Variants in TRAFD1 observed in about 807,000 individuals in gnomAD.
TRAFD1 encodes the protein TRAF-type zinc finger domain-containing protein 1.
TRAFD1 carries 38 observed loss-of-function variants against 65.3 expected under a neutral mutation model. The ratio of observed to expected loss-of-function variants is 0.58; its 90% CI spans 0.45 to 0.76. The LOEUF (loss-of-function observed/expected upper bound fraction) is 0.76. Among genes scored for constraint, TRAFD1 ranks in the 30% least tolerant of loss-of-function variants. The probability of loss-of-function intolerance (pLI) is 0.00; values close to 1 mark genes in which losing one functional copy is unlikely to be tolerated. For synonymous variants in TRAFD1, 223 were observed against 257.2 expected (o/e 0.87, Z 1.27); for missense variants, 631 against 712.6 (o/e 0.89, Z 1.30).
At position 112,151,904 on chromosome 12, in the gene TRAFD1, CTA is replaced by C; in HGVS notation, c.1386_1387del (p.Tyr462Ter). The C allele has an allele frequency of 6.2e-7, 1 of 1,614,198 alleles. No homozygotes were observed. The highest frequency in any genetic ancestry group is 8.5e-7 in the Non-Finnish European group (1 of 1,180,036). On this transcript the variant is annotated frameshift_variant, in exon 10 of 12. Coordinates refer to ENST00000412615, the MANE Select transcript of TRAFD1 (RefSeq NM_006700.3). LOFTEE classifies it high-confidence loss of function. ...SRPINNMTAT[Y>X]NQLSRSTSGP... The stretch of plus-strand genomic sequence containing the variant: ...GACCCATTAACAATATGACAGCTAC[CTA>C]TAACCAGCTATCGAGATCAACATCA...
intron 7 of TRAFD1, among the ~76,000 whole-genome samples, chr12:112,147,517 A>G (rs1000356480): frequency 6.6e-6 from 1 of 152,164 alleles, no homozygotes; most frequent in Non-Finnish European, 1.5e-5. Flanking sequence ...CTTTTACTGT[A>G]TGGATGTGGT....
chr12:112,128,511 G>A lies in TRAFD1; in HGVS notation c.-12-2000G>A, dbSNP rs118171751. Among the ~76,000 whole-genome samples the A allele has an allele frequency of 4.2e-3, 636 of 152,268 alleles. 4 individuals are homozygous for A. The highest frequency in any genetic ancestry group is 7.5e-3 in the Non-Finnish European group (508 of 68,010). ...GCTTTGCTTTCTGCATTGACATCTT[G>A]TTTAAAAAGCAGGAGAAACTTTATA... On this transcript the variant is annotated intron_variant, in intron 1 of 11. Transcript: ENST00000412615.
intron 6 of TRAFD1, among the ~76,000 whole-genome samples, chr12:112,144,638 T>A (rs369405518): frequency 4.6e-5 from 7 of 152,278 alleles, no homozygotes; most frequent in African/African-American, 1.7e-4. Context: ...CCCAACACTT[T>A]GGGAGGCTGA....
At chr12:112,135,797 T>C (rs933964990) in intron 4 of TRAFD1, among the ~76,000 whole-genome samples, 6 of 151,478 alleles carry the variant, frequency 4.0e-5, no homozygotes, top group Non-Finnish European at 7.4e-5. Flanking sequence ...TATCATTTGC[T>C]CGCTAGTTGA....
At chr12:112,144,752 A>G (rs1174646046) in intron 6 of TRAFD1, among the ~76,000 whole-genome samples, 1 of 152,154 alleles carries the variant, frequency 6.6e-6, no homozygotes, top group Non-Finnish European at 1.5e-5. Flanking sequence ...GCATGGTGGC[A>G]CACACCTGTA....
chr12:112,134,732 C>T lies in TRAFD1; in HGVS notation c.48-6C>T. The stretch of plus-strand genomic sequence containing the variant: ...GCTTGCCTTTTTCTTTGGTCTATTT[C>T]CGTAGCAAAAAAGAAATTCCTGTGT... On this transcript the variant is annotated splice_region_variant and splice_polypyrimidine_tract_variant and intron_variant, in intron 2 of 11. Transcript: ENST00000412615. 2 of 1,610,872 alleles carry T rather than the reference C, an allele frequency of 1.2e-6. No homozygotes were observed. The highest frequency in any genetic ancestry group is 1.7e-6 in the Non-Finnish European group (2 of 1,177,314).
At position 112,152,037 on chromosome 12, in the gene TRAFD1, A is replaced by G. The variant is rs769619821; in HGVS notation, c.1516A>G (p.Ile506Val). Residue 506 changes from isoleucine (I) to valine (V), a missense_variant, in exon 10 of 12, where the codon ATA becomes GTA. By Grantham distance (29) the Ile-to-Val change is conservative. Transcript: ENST00000412615. The surrounding 1 kb of genome is among the most constrained non-coding windows in gnomAD (Gnocchi z 5.0). Reference sequence around the variant, plus strand: ...GAATCGAGACAGCCAGAATGGGGCCATAGCCCCTGGGCACGTTTCAGTGAT... The same window carrying G: ...GAATCGAGACAGCCAGAATGGGGCCGTAGCCCCTGGGCACGTTTCAGTGAT... The part of the protein sequence containing the change: ...GRNRDSQNGA[I>V]APGHVSVIRP... 5 of 1,614,252 alleles carry G rather than the reference A, an allele frequency of 3.1e-6. No homozygotes were observed. The highest frequency in any genetic ancestry group is 4.2e-6 in the Non-Finnish European group (5 of 1,180,052).
At position 112,141,136 on chromosome 12, in the gene TRAFD1, C is replaced by T; in HGVS notation, c.555C>T (p.Pro185=). The change falls in exon 5 of 12, where the codon CCC becomes CCT. Residue 185 remains proline, a synonymous_variant. Coordinates refer to ENST00000412615, the MANE Select transcript of TRAFD1 (RefSeq NM_006700.3). ...CACCCATGAGGCTGCCGCGAAGGCC[C>T]CTGAGAGCCTTTGAATCAGATGTTT... ...LDPPMRLPRR[P]LRAFESDVFH... is the part of the protein sequence containing the mutation. 6.2e-7 allele frequency: 1 copy of T among 1,614,116 alleles called. No homozygotes were observed. The highest frequency in any genetic ancestry group is 8.5e-7 in the Non-Finnish European group (1 of 1,180,018).
chr12:112,143,833 A>G (rs2030159175), intron 6 of TRAFD1, among the ~76,000 whole-genome samples: 1 of 151,138 alleles, frequency 6.6e-6, no homozygotes, highest in East Asian at 2.0e-4. Flanking sequence ...CCAGGCCTCA[A>G]GTGATCCTCC....
chr12:112,152,917 T>A lies in TRAFD1; in HGVS notation c.*126T>A. 1 of 1,100,776 alleles carries A rather than the reference T, an allele frequency of 9.1e-7. No individual in the cohort carries two copies. The highest frequency in any genetic ancestry group is 1.3e-6 in the Non-Finnish European group (1 of 770,640). 68.2% of individuals were successfully genotyped at this position (1,100,776 alleles called of 1,614,324 possible). ...TTCCAGATTTTAGATTTTTCTAGGTTATGGCCATTTTGTGTCTTTTGAGGT... is the reference window on the plus strand; with the variant it reads ...TTCCAGATTTTAGATTTTTCTAGGTAATGGCCATTTTGTGTCTTTTGAGGT... On this transcript the variant is annotated 3_prime_UTR_variant, in exon 12 of 12. Coordinates refer to ENST00000412615, the MANE Select transcript of TRAFD1 (RefSeq NM_006700.3). This position sits in a 1 kb window ranked among gnomAD's most constrained non-coding sequence, Gnocchi z 5.0.
intron 9 of TRAFD1, 140 bp from the exon 10 acceptor site, chr12:112,151,661 G>A (rs1193717849): frequency 3.9e-6 from 3 of 772,926 alleles, no homozygotes; most frequent in East Asian, 5.4e-5. Flanking sequence ...GCCTCCCAAA[G>A]TGCTGGGTTT....
intron 6 of TRAFD1, 148 bp from the exon 7 acceptor site, chr12:112,145,438 C>T: frequency 4.1e-6 from 3 of 724,366 alleles, no homozygotes; most frequent in Non-Finnish European, 6.7e-6. Flanking sequence ...TGGGTTCCCT[C>T]TGAGAATATA....
intron 2 of TRAFD1, among the ~76,000 whole-genome samples, chr12:112,133,707 C>CTT (rs1294001209): frequency 4.4e-5 from 6 of 135,612 alleles, no homozygotes; most frequent in Admixed American, 1.5e-4. Flanking sequence ...GGATTTAGTT[C>CTT]TTTTTTTTTT....
chr12:112,143,774 C>T (rs1193442289), intron 6 of TRAFD1, among the ~76,000 whole-genome samples: 2 of 147,578 alleles, frequency 1.4e-5, no homozygotes, highest in African/African-American at 2.5e-5. Flanking sequence ...GCTCTGTCAC[C>T]GAGGCTGGAG....
chr12:112,145,611 T>C lies in TRAFD1; in HGVS notation c.876T>C (p.Pro292=). The change falls in exon 7 of 12, where the codon CCT becomes CCC. Residue 292 remains proline, a synonymous_variant. Transcript: ENST00000412615. The part of the protein sequence containing the change: ...IKGAADEIML[P]CEFCEELYPE... ...GTGCAGCTGACGAGATCATGTTGCC[T>C]TGTGAATTTTGTGAGGAGCTCTACC... 1.2e-6 allele frequency: 2 copies of C among 1,614,158 alleles called. No individual in the cohort carries two copies. The highest frequency in any genetic ancestry group is 2.2e-5 in the East Asian group (1 of 44,876).
rs1327150734 is a variant in TRAFD1 at position 112,137,147 on chromosome 12, T to C, written c.237+2081T>C. On this transcript the variant is annotated intron_variant, in intron 4 of 11. Transcript: ENST00000412615. The surrounding 1 kb of genome is among the most constrained non-coding windows in gnomAD (Gnocchi z 4.2). ...CTGAGGCAGGAGAATTGCTTGAACCTGGGAGGTGGAGGTTGCAGTGAGCCG... is the reference window on the plus strand; with the variant it reads ...CTGAGGCAGGAGAATTGCTTGAACCCGGGAGGTGGAGGTTGCAGTGAGCCG... Among the ~76,000 whole-genome samples the C allele has an allele frequency of 6.6e-6, 1 of 151,840 alleles. No homozygotes were observed. The highest frequency in any genetic ancestry group is 2.4e-5 in the African/African-American group (1 of 41,314).
At chr12:112,135,201 G>A (rs1446856529) in intron 4 of TRAFD1, 135 bp downstream of exon 4, 1 of 1,038,044 alleles carries the variant, frequency 9.6e-7, no homozygotes, top group Non-Finnish European at 1.5e-6. Context: ...AAGCCTGTTT[G>A]AGGCCTTGAC....
intron 2 of TRAFD1, among the ~76,000 whole-genome samples, chr12:112,134,199 G>A (rs2079582161): frequency 6.6e-6 from 1 of 151,044 alleles, no homozygotes; most frequent in Non-Finnish European, 1.5e-5. Flanking sequence ...TAGTAGAGAC[G>A]GGGTTTCACC....
rs1227918746 is a variant in TRAFD1 at position 112,130,944 on chromosome 12, C to T, written c.47+375C>T. Among the ~76,000 whole-genome samples the T allele has an allele frequency of 6.6e-6, 1 of 152,194 alleles. No homozygotes were observed. The highest frequency in any genetic ancestry group is 2.4e-5 in the African/African-American group (1 of 41,458). ...AATGTGCTATGTTTACCTTAGCAAA[C>T]TGTGGTAGAAAGAGATGTGGAATAA... On this transcript the variant is annotated intron_variant, in intron 2 of 11. Transcript: ENST00000412615. The surrounding 1 kb of genome is among the most constrained non-coding windows in gnomAD (Gnocchi z 4.4).
Sources: allele counts gnomAD v4.1 joint callset (sites outside exome capture counted in the v4.1 genomes callset), GRCh38; gene constraint gnomAD v4.1.1; non-coding constraint Gnocchi (gnomAD v3.1); transcripts MANE v1.5; gene names NCBI Gene and HGNC (gene_info 2026-07-23, HGNC 2026-07-21).